The following OTOA variants were observed in gnomAD, a reference collection of about 807,000 sequenced individuals.
OTOA encodes cancer/testis antigen 108.
Under a neutral mutation model 110.8 loss-of-function variants are expected in OTOA, and 70 were observed. The observed-to-expected ratio is 0.63, with a 90% CI of 0.52 to 0.77. The LOEUF (loss-of-function observed/expected upper bound fraction) is 0.77. Among genes scored for constraint, OTOA ranks in the 30% least tolerant of loss-of-function variants. OTOA has a pLI of 0.00. For synonymous variants in OTOA, 373 were observed against 431.5 expected (o/e 0.86, Z 1.68); for missense variants, 917 against 1,075.8 (o/e 0.85, Z 2.06).
At chr16:21,701,119 A>G in intron 11 of OTOA, 92 bp downstream of exon 11, 1 of 1,579,714 alleles carries the variant, frequency 6.3e-7, no homozygotes, top group Non-Finnish European at 8.7e-7. Context: ...CAGGGAGGGA[A>G]GGGAGGTGGC....
intron 11 of OTOA, among the ~76,000 whole-genome samples, chr16:21,701,754 G>T (rs1357976041): frequency 6.6e-6 from 1 of 151,962 alleles, no homozygotes; most frequent in Non-Finnish European, 1.5e-5. Flanking sequence ...GAGTAGCTGG[G>T]ACTACAGATG....
chr16:21,705,002 T>C, intron 11 of OTOA, 167 bp from the exon 12 acceptor site: 1 of 1,094,904 alleles, frequency 9.1e-7, no homozygotes, highest in Non-Finnish European at 1.4e-6. Flanking sequence ...AGGTTCCGCC[T>C]GTGGTTGCAC....
At chr16:21,698,251 C>G (rs1897984299) in intron 10 of OTOA, among the ~76,000 whole-genome samples, 1 of 152,120 alleles carries the variant, frequency 6.6e-6, no homozygotes, top group Admixed American at 6.6e-5. Flanking sequence ...ATCATGAACT[C>G]AAAGCAAAAG....
chr16:21,703,605 C>T (rs1357105037), intron 11 of OTOA, among the ~76,000 whole-genome samples: 2 of 152,094 alleles, frequency 1.3e-5, no homozygotes, highest in Non-Finnish European at 2.9e-5. Context: ...AACGTTCAGC[C>T]CTCACTTCCC....
intron 20 of OTOA, among the ~76,000 whole-genome samples, chr16:21,728,928 C>G (rs1899019841): frequency 6.6e-6 from 1 of 152,020 alleles, no homozygotes; most frequent in Admixed American, 6.6e-5. Context: ...ATAGTAGCTG[C>G]CCTAAAAATC....
chr16:21,736,475 A>G, intron 22 of OTOA, 85 bp downstream of exon 22: 1 of 1,452,836 alleles, frequency 6.9e-7, no homozygotes, highest in Non-Finnish European at 9.7e-7. Context: ...AGGCCTCCTT[A>G]TGCAGGGAAC....
intron 15 of OTOA, among the ~76,000 whole-genome samples, chr16:21,717,252 CA>C (rs1898586007): frequency 6.6e-6 from 1 of 152,114 alleles, no homozygotes; most frequent in African/African-American, 2.4e-5. Flanking sequence ...GCCTGGGCAA[CA>C]TAGCAAGCAA....
intron 11 of OTOA, among the ~76,000 whole-genome samples, chr16:21,703,560 G>A (rs1440269147): frequency 1.3e-5 from 2 of 152,008 alleles, no homozygotes; most frequent in Non-Finnish European, 2.9e-5. Context: ...TCCATGTCTT[G>A]GCTGTTGTGA....
intron 9 of OTOA, among the ~76,000 whole-genome samples, chr16:21,692,026 A>G (rs189769819): frequency 1.3e-5 from 2 of 152,292 alleles, no homozygotes; most frequent in African/African-American, 4.8e-5. Flanking sequence ...AAAAAAATCT[A>G]TATTAAAATG....
chr16:21,711,730 G>T (rs1898362876), intron 13 of OTOA, among the ~76,000 whole-genome samples: 1 of 152,134 alleles, frequency 6.6e-6, no homozygotes, highest in South Asian at 2.1e-4. Context: ...GCCTCCCAAA[G>T]TGCTGGGATT....
At chr16:21,737,578 A>AGTTGT (rs532241538) in intron 22 of OTOA, among the ~76,000 whole-genome samples, 1 of 35,776 alleles carries the variant, frequency 2.8e-5, no homozygotes, top group Admixed American at 2.9e-4. Flanking sequence ...GCTGGAGTGC[A>AGTTGT]GCAATCATGG....
chr16:21,722,337 T>G (rs1474852009), intron 17 of OTOA, among the ~76,000 whole-genome samples: 1 of 143,346 alleles, frequency 7.0e-6, no homozygotes, highest in Non-Finnish European at 1.5e-5. Context: ...AGCTAAGATA[T>G]ATATATGTAT....
intron 17 of OTOA, chr16:21,721,566 T>C (rs898730319): frequency 2.3e-6 from 1 of 439,602 alleles, no homozygotes; most frequent in African/African-American, 2.0e-5. Context: ...AAGAACAGTT[T>C]GCTATTACTT....
intron 18 of OTOA, among the ~76,000 whole-genome samples, chr16:21,725,306 A>G (rs926273463): frequency 6.6e-6 from 1 of 151,998 alleles, no homozygotes; most frequent in East Asian, 1.9e-4. Flanking sequence ...TTGTTTTGAG[A>G]CGGGGTCCCA....
intron 8 of OTOA, among the ~76,000 whole-genome samples, chr16:21,688,658 G>A (rs1897766985): frequency 6.6e-6 from 1 of 152,044 alleles, no homozygotes; most frequent in African/African-American, 2.4e-5. Flanking sequence ...GTTTATAGGT[G>A]GCACCTTCTC....
At chr16:21,714,300 T>TCTTCCTTCCTCC (rs1898456297) in intron 13 of OTOA, among the ~76,000 whole-genome samples, 1 of 100,344 alleles carries the variant, frequency 1.0e-5, no homozygotes, top group Non-Finnish European at 2.1e-5. Context: ...TCTTTTCCTT[T>TCTTCCTTCCTCC]CTTCCTTCCT....
intron 15 of OTOA, among the ~76,000 whole-genome samples, chr16:21,717,939 G>A (rs2141702233): frequency 6.6e-6 from 1 of 152,228 alleles, no homozygotes; most frequent in Non-Finnish European, 1.5e-5. Flanking sequence ...TTTAGTGACA[G>A]TGGCAACCGT....
chr16:21,668,676 G>T (rs1313800377), intron 1 of OTOA, among the ~76,000 whole-genome samples: 1 of 151,426 alleles, frequency 6.6e-6, no homozygotes, highest in Non-Finnish European at 1.5e-5. Flanking sequence ...TGGTCAGGCT[G>T]GTCTCAAACT....
intron 1 of OTOA, among the ~76,000 whole-genome samples, chr16:21,670,334 T>C (rs1436266262): frequency 1.3e-5 from 2 of 151,966 alleles, no homozygotes; most frequent in African/African-American, 2.4e-5. Context: ...CAAATTATGC[T>C]CCTAATATCA....
Sources: gnomAD v4.1 joint callset for allele counts (sites outside exome capture counted in the v4.1 genomes callset) on GRCh38, gnomAD v4.1.1 for gene constraint, MANE v1.5 for transcripts, NCBI Gene and HGNC (gene_info 2026-07-23, HGNC 2026-07-21) for gene names.